Variants in HMBOX1 observed in about 807,000 individuals in gnomAD.
The protein encoded by HMBOX1 is homeobox-containing protein 1.
HMBOX1 carries 14 observed loss-of-function variants against 54.5 expected under a neutral mutation model. The observed-to-expected ratio is 0.26, with a 90% CI of 0.17 to 0.40. The LOEUF (loss-of-function observed/expected upper bound fraction) is 0.40, where lower values mean the gene tolerates loss of function less well. Among genes scored for constraint, HMBOX1 ranks in the 10% least tolerant of loss-of-function variants. The pLI is 1.00. For missense variants in HMBOX1, 332 were observed against 514.4 expected (o/e 0.65, Z 3.43); for synonymous variants, 160 against 181.0 (o/e 0.88, Z 0.93).
chr8:28,905,671 T>C (rs1585685183), intron 1 of HMBOX1, among the ~76,000 whole-genome samples: 1 of 152,250 alleles, frequency 6.6e-6, no homozygotes, highest in Non-Finnish European at 1.5e-5. Context: ...TACTTAATCA[T>C]ATTTTTGTGT....
At chr8:29,011,061 C>CACGTACT (rs1179205144) in intron 5 of HMBOX1, among the ~76,000 whole-genome samples, 3 of 152,066 alleles carry the variant, frequency 2.0e-5, no homozygotes, top group African/African-American at 7.2e-5. Flanking sequence ...TTTAGGGAGG[C>CACGTACT]ACGTACTAAT....
In HMBOX1 at chr8:29,006,292, C is replaced by T. The variant is rs139067832; in HGVS notation, c.587-2780C>T. ...ACAGGTGTGAGCCACTGCGCCTGGCCGATGCATTCTATTATTGATGGGCAT... is the reference window on the plus strand; with the variant it reads ...ACAGGTGTGAGCCACTGCGCCTGGCTGATGCATTCTATTATTGATGGGCAT... On this transcript the variant is annotated intron_variant, in intron 4 of 9. Coordinates refer to ENST00000287701, the MANE Select transcript of HMBOX1 (RefSeq NM_001135726.3). 2.8e-3 allele frequency among the ~76,000 whole-genome samples: 424 copies of T among 152,078 alleles called. 2 individuals carry two copies. The highest frequency in any genetic ancestry group is 9.9e-3 in the African/African-American group (412 of 41,486).
chr8:28,983,621 G>A (rs1345220626), intron 4 of HMBOX1, among the ~76,000 whole-genome samples: 3 of 152,164 alleles, frequency 2.0e-5, no homozygotes, highest in Non-Finnish European at 1.5e-5. Context: ...AAAGAGTCTA[G>A]CATTGTGCAG....
intron 2 of HMBOX1, among the ~76,000 whole-genome samples, chr8:28,964,917 T>A (rs1826192510): frequency 6.6e-6 from 1 of 152,208 alleles, no homozygotes; most frequent in South Asian, 2.1e-4. Flanking sequence ...TCTATCAGCC[T>A]TCTCTGTTAC....
intron 1 of HMBOX1, among the ~76,000 whole-genome samples, chr8:28,941,050 G>C (rs1821314885): frequency 6.6e-6 from 1 of 152,108 alleles, no homozygotes; most frequent in South Asian, 2.1e-4. Flanking sequence ...TCATTGTTTA[G>C]AGTAGTGAAT....
intron 3 of HMBOX1, among the ~76,000 whole-genome samples, chr8:28,977,904 A>G (rs918435343): frequency 3.3e-5 from 5 of 151,700 alleles, no homozygotes; most frequent in African/African-American, 1.2e-4. Context: ...GTATCGCGCT[A>G]CTGCACTCCA....
chr8:29,005,514 A>G (rs991576022), intron 4 of HMBOX1, among the ~76,000 whole-genome samples: 1 of 152,212 alleles, frequency 6.6e-6, no homozygotes, highest in Non-Finnish European at 1.5e-5. Context: ...ATATTGATAC[A>G]TATCCATTTA....
intron 4 of HMBOX1, among the ~76,000 whole-genome samples, chr8:28,999,446 T>C (rs1295785296): frequency 6.6e-6 from 1 of 152,172 alleles, no homozygotes; most frequent in Non-Finnish European, 1.5e-5. Context: ...ATTTGGGAAG[T>C]TTTGGTCACT....
At chr8:28,958,607 G>A (rs79666012) in intron 1 of HMBOX1, among the ~76,000 whole-genome samples, 1 of 152,114 alleles carries the variant, frequency 6.6e-6, no homozygotes, top group East Asian at 1.9e-4. Context: ...AGTAACCACT[G>A]TTATTGGATC....
intron 5 of HMBOX1, among the ~76,000 whole-genome samples, chr8:29,015,986 C>G (rs993846372): frequency 2.0e-5 from 3 of 152,180 alleles, no homozygotes; most frequent in African/African-American, 7.2e-5. Flanking sequence ...TATATGATGA[C>G]AAACTTACTT....
intron 1 of HMBOX1, among the ~76,000 whole-genome samples, chr8:28,947,548 C>G (rs1160629058): frequency 6.6e-6 from 1 of 152,116 alleles, no homozygotes; most frequent in East Asian, 1.9e-4. Flanking sequence ...TGATAATACT[C>G]TGAAGTACAA....
chr8:28,946,456 G>C (rs1210550117), intron 1 of HMBOX1, among the ~76,000 whole-genome samples: 2 of 151,880 alleles, frequency 1.3e-5, no homozygotes, highest in African/African-American at 4.8e-5. Flanking sequence ...TGTAATCCCA[G>C]CTACTTGGGA....
intron 1 of HMBOX1, among the ~76,000 whole-genome samples, chr8:28,958,691 T>TGTGTGC (rs1290847636): frequency 6.6e-6 from 1 of 152,204 alleles, no homozygotes; most frequent in South Asian, 2.1e-4. Flanking sequence ...ATATTTATTG[T>TGTGTGC]GTGTGCATGC....
At chr8:28,932,232 G>A (rs1047160494) in intron 1 of HMBOX1, among the ~76,000 whole-genome samples, 4 of 152,180 alleles carry the variant, frequency 2.6e-5, no homozygotes, top group African/African-American at 9.7e-5. Flanking sequence ...GGTGAGTGAA[G>A]GGCAGATGCC....
chr8:28,966,829 T>C (rs1388506869), intron 2 of HMBOX1, among the ~76,000 whole-genome samples: 1 of 152,244 alleles, frequency 6.6e-6, no homozygotes, highest in Non-Finnish European at 1.5e-5. Context: ...TGGATCATTT[T>C]GCTTTAGGTT....
Position 29,038,923 on chromosome 8 carries a change from A to G in HMBOX1, c.852-6438A>G, listed in dbSNP as rs539084504. ...GTCATACACTGTGTATTCTAGCCAC[A>G]CTAAACTCCTTCCCATTTTTGGAAC... On this transcript the variant is annotated intron_variant, in intron 6 of 9. Coordinates refer to ENST00000287701, the MANE Select transcript of HMBOX1 (RefSeq NM_001135726.3). 6.6e-5 allele frequency among the ~76,000 whole-genome samples: 10 copies of G among 152,272 alleles called. No homozygotes were observed. In the East Asian group the frequency reaches 1.9e-3, roughly 29 times the overall value.
Position 28,965,636 on chromosome 8 carries a change from G to A in HMBOX1, c.23+1746G>A, listed in dbSNP as rs112665884. Among the ~76,000 whole-genome samples, 423 of 152,318 alleles carry A rather than the reference G, an allele frequency of 2.8e-3. 4 individuals carry two copies. Among genetic ancestry groups the A allele is most frequent in the African/African-American group, 9.3e-3 (388 of 41,576 alleles). On this transcript the variant is annotated intron_variant, in intron 2 of 9. Transcript: ENST00000287701. The stretch of plus-strand genomic sequence containing the variant: ...CCATAGCTGAGATCTGAGACCACAA[G>A]GAAGGCCCCTCAGTGCTAGAAAATG...
At chr8:29,036,307 CAAGTA>C (rs1803859931) in intron 6 of HMBOX1, among the ~76,000 whole-genome samples, 1 of 151,942 alleles carries the variant, frequency 6.6e-6, no homozygotes, top group Non-Finnish European at 1.5e-5. Context: ...CTTTTTTAAA[CAAGTA>C]AAGAAAAGCA....
chr8:28,979,025 G>C (rs1032419409), intron 3 of HMBOX1, among the ~76,000 whole-genome samples: 8 of 152,186 alleles, frequency 5.3e-5, no homozygotes, highest in African/African-American at 1.9e-4. Flanking sequence ...ATGTCCATCT[G>C]TGAAAATGAT....
Sources: allele counts gnomAD v4.1 joint callset (sites outside exome capture counted in the v4.1 genomes callset), GRCh38; gene constraint gnomAD v4.1.1; transcripts MANE v1.5; gene names NCBI Gene and HGNC (gene_info 2026-07-23, HGNC 2026-07-21).